The following PCSK9 variants were observed in gnomAD, a reference collection of about 807,000 sequenced individuals.
PCSK9 encodes the protein proprotein convertase subtilisin/kexin type 9, also known as convertase subtilisin/kexin type 9 preproprotein.
In PCSK9, 57 loss-of-function variants were observed where a neutral mutation model predicts 62.1. That is an observed-to-expected ratio of 0.92 (90% CI 0.74 to 1.14). The LOEUF (loss-of-function observed/expected upper bound fraction) is 1.14. PCSK9 is among the 50% of genes most tolerant of loss of function. The pLI, the probability that PCSK9 is intolerant of heterozygous loss-of-function variation, is 0.00. For synonymous variants in PCSK9, 387 were observed against 409.4 expected, an observed-to-expected ratio of 0.95 and a Z score of 0.66; for missense variants, 870 against 959.8, an observed-to-expected ratio of 0.91 and a Z score of 1.24.
At position 55,058,110 on chromosome 1, in the gene PCSK9, T is replaced by G; in HGVS notation, c.1255T>G (p.Ser419Ala). 1 of 1,613,698 alleles carries G rather than the reference T, an allele frequency of 6.2e-7. No individual in the cohort carries two copies. The highest frequency in any genetic ancestry group is 1.1e-5 in the South Asian group (1 of 91,086). The change falls in exon 8 of 12, where the codon TCT becomes GCT. Residue 419 changes from serine to alanine, a missense_variant. Transcript: ENST00000302118. ...GTTGAGGCAGAGACTGATCCACTTC[T>G]CTGCCAAAGATGTCATCAATGAGGC... is the stretch of plus-strand genomic sequence containing the variant. ...AELRQRLIHF[S>A]AKDVINEAWF...
chr1:55,041,648 AT>A (rs933663504), intron 1 of PCSK9, among the ~76,000 whole-genome samples: 1 of 152,188 alleles, frequency 6.6e-6, no homozygotes, highest in African/African-American at 2.4e-5. Context: ...GCAGAAAATA[AT>A]TTTTAGACCA....
intron 10 of PCSK9, among the ~76,000 whole-genome samples, chr1:55,060,288 T>C (rs1382248220): frequency 6.6e-6 from 1 of 152,152 alleles, no homozygotes; most frequent in Admixed American, 6.5e-5. Context: ...TCTTGGGGCA[T>C]CAAGGGATGG....
chr1:55,054,959 T>C (rs1177085901), intron 5 of PCSK9, among the ~76,000 whole-genome samples: 1 of 151,198 alleles, frequency 6.6e-6, no homozygotes, highest in Non-Finnish European at 1.5e-5. Flanking sequence ...GAGCCGAGAT[T>C]GCGCCACTGC....
At chr1:55,047,388 T>C (rs10888897) in intron 3 of PCSK9, among the ~76,000 whole-genome samples, 80,815 of 152,036 alleles carry the variant, frequency 0.53, 23,779 homozygotes, top group East Asian at 0.81. Context: ...TGATGCAATG[T>C]GGTGGGTCCA....
At chr1:55,041,185 C>T (rs547177570) in intron 1 of PCSK9, among the ~76,000 whole-genome samples, 1 of 152,272 alleles carries the variant, frequency 6.6e-6, no homozygotes, top group South Asian at 2.1e-4. Context: ...CAGTTTTGTC[C>T]CTGTCTGCAG....
chr1:55,054,344 C>T (rs1283421099), intron 5 of PCSK9, among the ~76,000 whole-genome samples: 1 of 152,192 alleles, frequency 6.6e-6, no homozygotes, highest in African/African-American at 2.4e-5. Flanking sequence ...GATCGTGCCA[C>T]TGCAATCCAG....
chr1:55,058,109 C>G lies in PCSK9; in HGVS notation c.1254C>G (p.Phe418Leu), dbSNP rs1378713223. Residue 418 changes from phenylalanine to leucine, a missense_variant, in exon 8 of 12, where the codon TTC becomes TTG. Coordinates refer to ENST00000302118, the MANE Select transcript of PCSK9 (RefSeq NM_174936.4). Reference sequence around the variant, plus strand: ...AGTTGAGGCAGAGACTGATCCACTTCTCTGCCAAAGATGTCATCAATGAGG... The same window carrying G: ...AGTTGAGGCAGAGACTGATCCACTTGTCTGCCAAAGATGTCATCAATGAGG... The part of the protein sequence containing the change: ...LAELRQRLIH[F>L]SAKDVINEAW... 6.2e-7 allele frequency: 1 copy of G among 1,613,712 alleles called. No homozygotes were observed. The highest frequency in any genetic ancestry group is 2.2e-5 in the East Asian group (1 of 44,872).
intron 2 of PCSK9, 42 bp from the exon 3 acceptor site, chr1:55,046,481 A>G (rs1303850039): frequency 6.2e-6 from 10 of 1,613,946 alleles, no homozygotes; most frequent in African/African-American, 1.3e-5. Context: ...CTGCTGTCCA[A>G]ATGGCTTAAG....
chr1:55,058,570 C>T lies in PCSK9; in HGVS notation c.1426C>T (p.Arg476Cys), dbSNP rs761767572. The change falls in exon 9 of 12, where the codon CGC (arginine) becomes TGC (cysteine). Residue 476 changes from arginine to cysteine, a missense_variant. Coordinates refer to ENST00000302118, the MANE Select transcript of PCSK9 (RefSeq NM_174936.4). ...TACACGGATGGCCACAGCCGTCGCC[C>T]GCTGCGCCCCAGATGAGGAGCTGCT... ...GPTRMATAVARCAPDEELLSC... is the reference protein window; with the variant it reads ...GPTRMATAVACCAPDEELLSC... 41 of 1,611,988 alleles carry T rather than the reference C, an allele frequency of 2.5e-5. No homozygotes were observed. The highest frequency in any genetic ancestry group is 2.2e-4 in the Middle Eastern group (1 of 4,458).
intron 7 of PCSK9, 22 bp from the exon 8 acceptor site, chr1:55,058,014 T>C (rs1644728885): frequency 6.2e-7 from 1 of 1,613,496 alleles, no homozygotes; most frequent in Non-Finnish European, 8.5e-7. Flanking sequence ...TCACCATCTT[T>C]CACCATTCAC....
intron 5 of PCSK9, among the ~76,000 whole-genome samples, chr1:55,054,511 T>C (rs1644698516): frequency 6.6e-6 from 1 of 152,218 alleles, no homozygotes; most frequent in African/African-American, 2.4e-5. Flanking sequence ...AGGAGGAGCA[T>C]GGCTGTGAGA....
rs1450296241 is a variant in PCSK9 at position 55,063,691 on chromosome 1, G to C, written c.*107G>C. On this transcript the variant is annotated 3_prime_UTR_variant, in exon 12 of 12. Coordinates refer to ENST00000302118, the MANE Select transcript of PCSK9 (RefSeq NM_174936.4). ...CAGCCCTCCATGGCCTGGCACGAGG[G>C]GATGGGGATGCTTCCGCCTTTCCGG... The C allele has an allele frequency of 3.9e-6, 5 of 1,292,050 alleles. No individual in the cohort carries two copies. The highest frequency in any genetic ancestry group is 1.5e-5 in the African/African-American group (1 of 67,858). 80.0% of individuals were successfully genotyped at this position (1,292,050 alleles called of 1,614,324 possible). A position where few individuals can be genotyped will look rare whatever the true frequency, so the allele number is the denominator to read the frequency against.
intron 5 of PCSK9, among the ~76,000 whole-genome samples, chr1:55,053,153 C>G (rs1023971376): frequency 3.3e-5 from 5 of 152,106 alleles, no homozygotes; most frequent in African/African-American, 9.7e-5. Context: ...CAAACTTTTT[C>G]TATCTTCTGC....
At chr1:55,052,612 G>A in intron 4 of PCSK9, 38 bp from the exon 5 acceptor site, 1 of 1,610,832 alleles carries the variant, frequency 6.2e-7, no homozygotes, top group Non-Finnish European at 8.5e-7. Flanking sequence ...GGGTGGAGGG[G>A]GGGTCTTTCT....
intron 3 of PCSK9, among the ~76,000 whole-genome samples, chr1:55,049,563 C>T (rs1644658802): frequency 6.6e-6 from 1 of 152,226 alleles, no homozygotes; most frequent in Non-Finnish European, 1.5e-5. Context: ...ACTAGCAGCC[C>T]CTGCCTCACC....
chr1:55,052,390 C>G lies in PCSK9; in HGVS notation c.636C>G (p.Asp212Glu), dbSNP rs757510932. The change falls in exon 4 of 12, where the codon GAC becomes GAG. Residue 212 changes from aspartate (D) to glutamate (E), a missense_variant. Coordinates refer to ENST00000302118, the MANE Select transcript of PCSK9 (RefSeq NM_174936.4). Reference sequence around the variant, plus strand: ...ACTTCGAGAATGTGCCCGAGGAGGACGGGACCCGCTTCCACAGACAGGTAA... The same window carrying G: ...ACTTCGAGAATGTGCCCGAGGAGGAGGGGACCCGCTTCCACAGACAGGTAA... Reference protein sequence around the residue: ...VTDFENVPEEDGTRFHRQASK... With the variant: ...VTDFENVPEEEGTRFHRQASK... The G allele has an allele frequency of 1.2e-6, 2 of 1,613,704 alleles. No homozygotes were observed. The highest frequency in any genetic ancestry group is 1.7e-6 in the Non-Finnish European group (2 of 1,179,962).
intron 5 of PCSK9, among the ~76,000 whole-genome samples, chr1:55,053,789 A>C (rs1184381187): frequency 6.6e-6 from 1 of 152,142 alleles, no homozygotes. Flanking sequence ...CCACCCCTTT[A>C]TTGACTGACC....
Position 55,052,771 on chromosome 1 carries a change from C to A in PCSK9, c.779C>A (p.Thr260Lys), listed in dbSNP as rs777111934. 1 of 1,613,134 alleles carries A rather than the reference C, an allele frequency of 6.2e-7. No homozygotes were observed. Among genetic ancestry groups the A allele is most frequent in the South Asian group, 1.1e-5 (1 of 91,084 alleles). The change falls in exon 5 of 12, where the codon ACG (threonine) becomes AAG (lysine). Residue 260 changes from threonine (T) to lysine (K), a missense_variant. Coordinates refer to ENST00000302118, the MANE Select transcript of PCSK9 (RefSeq NM_174936.4). Reference sequence around the variant, plus strand: ...GTGCTCAACTGCCAAGGGAAGGGCACGGTTAGCGGCACCCTCATAGGTAAG... The same window carrying A: ...GTGCTCAACTGCCAAGGGAAGGGCAAGGTTAGCGGCACCCTCATAGGTAAG... Reference protein sequence around the residue: ...LRVLNCQGKGTVSGTLIGLEF... With the variant: ...LRVLNCQGKGKVSGTLIGLEF...
intron 3 of PCSK9, among the ~76,000 whole-genome samples, chr1:55,049,072 G>A (rs1644655310): frequency 6.6e-6 from 1 of 152,246 alleles, no homozygotes; most frequent in Non-Finnish European, 1.5e-5. Flanking sequence ...GATTAGTTCT[G>A]GATAGGCTGA....
Sources: gnomAD v4.1 joint callset for allele counts (sites outside exome capture counted in the v4.1 genomes callset) on GRCh38, gnomAD v4.1.1 for gene constraint, MANE v1.5 for transcripts, NCBI Gene and HGNC (gene_info 2026-07-23, HGNC 2026-07-21) for gene names.